The following ITIH5 variants were observed in gnomAD, a reference collection of about 807,000 sequenced individuals.
ITIH5 encodes inter-alpha-trypsin inhibitor heavy chain 5.
In ITIH5, 65 loss-of-function variants were observed where a neutral mutation model predicts 77.5. The observed-to-expected ratio is 0.84, with a 90% CI of 0.69 to 1.03. The LOEUF is 1.03. Among genes scored for constraint, ITIH5 ranks in the 50% least tolerant of loss-of-function variants. The probability of loss-of-function intolerance (pLI) is 0.00; values close to 1 mark genes in which losing one functional copy is unlikely to be tolerated. For missense variants in ITIH5, 1,208 were observed against 1,213.1 expected, an observed-to-expected ratio of 1.00 and a Z score of 0.06; for synonymous variants, 525 against 494.3, an observed-to-expected ratio of 1.06 and a Z score of -0.82.
intron 1 of ITIH5, among the ~76,000 whole-genome samples, chr10:7,659,065 T>C (rs1393287787): frequency 6.6e-6 from 1 of 152,064 alleles, no homozygotes; most frequent in African/African-American, 2.4e-5. Context: ...CCTAGGAGTA[T>C]ATCGGTTTTG....
chr10:7,601,845 T>C (rs1427037699), intron 7 of ITIH5, among the ~76,000 whole-genome samples: 2 of 152,134 alleles, frequency 1.3e-5, no homozygotes, highest in Non-Finnish European at 2.9e-5. Context: ...TGATACACTC[T>C]AAGGCTCAGT....
intron 8 of ITIH5, among the ~76,000 whole-genome samples, chr10:7,583,946 A>T (rs1164617191): frequency 6.6e-6 from 1 of 152,196 alleles, no homozygotes; most frequent in Non-Finnish European, 1.5e-5. Context: ...GTGGGTGAAA[A>T]TAATGGCCAC....
At chr10:7,628,910 T>C (rs1479269185) in intron 5 of ITIH5, among the ~76,000 whole-genome samples, 1 of 138,342 alleles carries the variant, frequency 7.2e-6, no homozygotes, top group Non-Finnish European at 1.6e-5. Context: ...CATGCATCCA[T>C]GTTATCATAT....
chr10:7,609,301 T>C (rs908045345), intron 7 of ITIH5: 1 of 383,692 alleles, frequency 2.6e-6, no homozygotes, highest in Admixed American at 3.3e-5. Context: ...TTATTGTTTG[T>C]GGGCTGGTAG....
chr10:7,623,633 C>T (rs1428131096), intron 5 of ITIH5, among the ~76,000 whole-genome samples: 1 of 151,914 alleles, frequency 6.6e-6, no homozygotes, highest in Non-Finnish European at 1.5e-5. Context: ...GAAACCCCGT[C>T]TCTACTAAAA....
chr10:7,636,310 A>G (rs962574767), intron 5 of ITIH5, among the ~76,000 whole-genome samples: 1 of 152,248 alleles, frequency 6.6e-6, no homozygotes, highest in Non-Finnish European at 1.5e-5. Flanking sequence ...ATGAATCAAG[A>G]TGCCTGTATC....
intron 3 of ITIH5, among the ~76,000 whole-genome samples, chr10:7,641,637 AAAGG>A (rs202189864): frequency 0.15 from 18,059 of 119,570 alleles, 1,785 homozygotes; most frequent in South Asian, 0.22. Flanking sequence ...GAAGGAAAGA[AAAGG>A]AAGGAAGGAA....
At chr10:7,635,654 C>G (rs1050636340) in intron 5 of ITIH5, among the ~76,000 whole-genome samples, 9 of 152,176 alleles carry the variant, frequency 5.9e-5, no homozygotes, top group African/African-American at 2.2e-4. Context: ...AACGCTCAGT[C>G]TGTGAGAGTG....
chr10:7,605,226 T>G (rs1833099202), intron 7 of ITIH5, among the ~76,000 whole-genome samples: 1 of 151,660 alleles, frequency 6.6e-6, no homozygotes, highest in Admixed American at 6.6e-5. Context: ...GCTTTGCACA[T>G]GTCACGCATC....
At chr10:7,660,236 G>T (rs1054442701) in intron 1 of ITIH5, among the ~76,000 whole-genome samples, 2 of 152,174 alleles carry the variant, frequency 1.3e-5, no homozygotes, top group African/African-American at 4.8e-5. Context: ...AGTTACAAAA[G>T]AAATAGATGA....
intron 5 of ITIH5, among the ~76,000 whole-genome samples, chr10:7,627,827 C>CTTTTTTT (rs869139058): frequency 1.1e-5 from 1 of 90,804 alleles, no homozygotes; most frequent in Non-Finnish European, 2.0e-5. Flanking sequence ...TGAAATTAAC[C>CTTTTTTT]TTTTTTTTTT....
At chr10:7,629,350 C>CGTGTGCCCATGTTGTAGT (rs1833669575) in intron 5 of ITIH5, among the ~76,000 whole-genome samples, 1 of 114,748 alleles carries the variant, frequency 8.7e-6, no homozygotes, top group South Asian at 2.9e-4. Flanking sequence ...CATGTTGTAG[C>CGTGTGCCCATGTTGTAGT]GTGTGTCCCT....
intron 11 of ITIH5, chr10:7,572,511 T>C (rs1588361802): frequency 1.6e-6 from 2 of 1,233,226 alleles, no homozygotes; most frequent in East Asian, 5.5e-5. Flanking sequence ...ATGCTCCGGA[T>C]CTCTAAAACA....
At chr10:7,591,195 T>G (rs949878785) in intron 7 of ITIH5, among the ~76,000 whole-genome samples, 2 of 152,178 alleles carry the variant, frequency 1.3e-5, no homozygotes, top group Admixed American at 1.3e-4. Flanking sequence ...GTGCCTGGCC[T>G]AATGTCTCTT....
At chr10:7,586,637 C>G (rs1375464258) in intron 7 of ITIH5, among the ~76,000 whole-genome samples, 2 of 152,044 alleles carry the variant, frequency 1.3e-5, no homozygotes, top group African/African-American at 2.4e-5. Flanking sequence ...GAAGGAGGTG[C>G]TAGACAAAGG....
chr10:7,625,670 C>T (rs1221332846), intron 5 of ITIH5, among the ~76,000 whole-genome samples: 1 of 151,442 alleles, frequency 6.6e-6, no homozygotes, highest in Non-Finnish European at 1.5e-5. Flanking sequence ...GAGGCTGAGG[C>T]AGGAGAATTG....
chr10:7,582,110 T>C (rs1428461397), intron 8 of ITIH5, among the ~76,000 whole-genome samples: 1 of 151,910 alleles, frequency 6.6e-6, no homozygotes, highest in Non-Finnish European at 1.5e-5. Context: ...TTCCTGACCT[T>C]GTGATCTGCC....
chr10:7,637,367 C>T lies in ITIH5; in HGVS notation c.513G>A (p.Glu171=), dbSNP rs777889463. The part of the protein sequence containing the change: ...ELLQRRLGKY[E]HSISVRPQQL... ...GCTGGGGCCGCACGCTGATGCTGTGCTCGTACTTGCCCAGGCGCCTCTGCA... is the reference window on the plus strand; with the variant it reads ...GCTGGGGCCGCACGCTGATGCTGTGTTCGTACTTGCCCAGGCGCCTCTGCA... The change falls in exon 5 of 14, where the codon GAG becomes GAA. Residue 171 remains glutamate, a synonymous_variant. Coordinates refer to ENST00000397146, the MANE Select transcript of ITIH5 (RefSeq NM_030569.7). 3.1e-6 allele frequency: 5 copies of T among 1,614,222 alleles called. No homozygotes were observed. The East Asian group carries it at 1.1e-4, about 36-fold the overall frequency.
intron 2 of ITIH5, among the ~76,000 whole-genome samples, chr10:7,649,824 G>A (rs1167531383): frequency 6.6e-6 from 1 of 152,152 alleles, no homozygotes; most frequent in African/African-American, 2.4e-5. Flanking sequence ...AACAAGCGAG[G>A]CCTTTGAAAG....
Sources: allele counts gnomAD v4.1 joint callset (sites outside exome capture counted in the v4.1 genomes callset), GRCh38; gene constraint gnomAD v4.1.1; transcripts MANE v1.5; gene names NCBI Gene and HGNC (gene_info 2026-07-23, HGNC 2026-07-21).